Variants in FOXP2 observed in about 807,000 individuals in gnomAD.
FOXP2 encodes forkhead box protein P2.
Under a neutral mutation model 115.8 loss-of-function variants are expected in FOXP2, and 12 were observed. The observed-to-expected ratio is 0.10, with a 90% confidence interval of 0.07 to 0.17. FOXP2 has a LOEUF of 0.17. Among genes scored for constraint, FOXP2 ranks in the 10% least tolerant of loss-of-function variants. The probability of loss-of-function intolerance (pLI) is 1.00; values close to 1 mark genes in which losing one functional copy is unlikely to be tolerated. For missense variants in FOXP2, 629 were observed against 843.5 expected, an observed-to-expected ratio of 0.75 and a Z score of 3.15; for synonymous variants, 328 against 297.7, an observed-to-expected ratio of 1.10 and a Z score of -1.05.
chr7:114,574,328 G>A (rs1370726137), intron 3 of FOXP2, among the ~76,000 whole-genome samples: 4 of 151,376 alleles, frequency 2.6e-5, no homozygotes, highest in African/African-American at 4.8e-5. Flanking sequence ...AAAAAACGAG[G>A]GTATAAGAGG....
At chr7:114,322,001 C>T (rs558330441) in intron 2 of FOXP2, among the ~76,000 whole-genome samples, 4 of 147,620 alleles carry the variant, frequency 2.7e-5, no homozygotes, top group Admixed American at 7.0e-5. Context: ...AAATAAATGC[C>T]GTGAGAATTT....
At chr7:114,484,199 T>A (rs1796676055) in intron 2 of FOXP2, among the ~76,000 whole-genome samples, 1 of 151,834 alleles carries the variant, frequency 6.6e-6, no homozygotes, top group Non-Finnish European at 1.5e-5. Context: ...TGCAGTGACA[T>A]TTTTTAAGTG....
intron 1 of FOXP2, among the ~76,000 whole-genome samples, chr7:114,205,287 C>G (rs1003500190): frequency 6.6e-6 from 1 of 151,828 alleles, no homozygotes; most frequent in African/African-American, 2.4e-5. Flanking sequence ...TTGCGCTCAA[C>G]AAAAGAAACA....
At chr7:114,334,806 A>G (rs1398181878) in intron 2 of FOXP2, among the ~76,000 whole-genome samples, 1 of 150,778 alleles carries the variant, frequency 6.6e-6, no homozygotes, top group African/African-American at 2.4e-5. Flanking sequence ...TTAATTTTTA[A>G]AGATCGAAAA....
At chr7:114,264,245 T>A (rs1409524946) in intron 1 of FOXP2, among the ~76,000 whole-genome samples, 1 of 152,222 alleles carries the variant, frequency 6.6e-6, no homozygotes, top group African/African-American at 2.4e-5. Context: ...ATGGAATGTA[T>A]GTGTGATTTT....
At chr7:114,555,348 A>C (rs1329587514) in intron 3 of FOXP2, among the ~76,000 whole-genome samples, 1 of 152,204 alleles carries the variant, frequency 6.6e-6, no homozygotes, top group Non-Finnish European at 1.5e-5. Context: ...CAGATAATAT[A>C]GTGCCTCTTA....
In FOXP2 at chr7:114,471,795, C is replaced by CAA. The variant is rs767129922; in HGVS notation, c.168+45130_168+45131dup. ...TGAAACCCCATCTCCACTAAAAATA[C>CAA]AAAAAAAAAAAAAAATTAGCTGGGC... is the stretch of plus-strand genomic sequence containing the variant. On this transcript the variant is annotated intron_variant, in intron 2 of 16. Transcript: ENST00000350908. 2.0e-4 allele frequency among the ~76,000 whole-genome samples: 24 copies of CAA among 121,488 alleles called. 1 individual carries two copies. Among genetic ancestry groups the CAA allele is most frequent in the South Asian group, 7.8e-4 (3 of 3,842 alleles). The allele number at this position is 121,488 out of a possible 152,430, so 79.7% of individuals were successfully genotyped here.
intron 2 of FOXP2, among the ~76,000 whole-genome samples, chr7:114,436,271 G>A (rs1048853871): frequency 6.6e-6 from 1 of 151,506 alleles, no homozygotes; most frequent in Admixed American, 6.6e-5. Flanking sequence ...ATCCCTGAGA[G>A]TAACATTTAT....
chr7:114,138,239 C>A (rs1456619351), intron 1 of FOXP2, among the ~76,000 whole-genome samples: 2 of 152,076 alleles, frequency 1.3e-5, no homozygotes, highest in Admixed American at 1.3e-4. Context: ...ACAGAGAATA[C>A]AGTATGTCAA....
intron 1 of FOXP2, among the ~76,000 whole-genome samples, chr7:114,252,729 GT>G (rs1447524093): frequency 1.3e-5 from 2 of 151,590 alleles, no homozygotes; most frequent in Non-Finnish European, 2.9e-5. Context: ...TTTGTCAATT[GT>G]TTCAAAAAAC....
chr7:114,490,049 A>G (rs1487655982), intron 2 of FOXP2, among the ~76,000 whole-genome samples: 1 of 152,144 alleles, frequency 6.6e-6, no homozygotes, highest in Non-Finnish European at 1.5e-5. Context: ...CATATTCTAT[A>G]TGATCAGCAA....
chr7:114,406,884 G>C (rs1223388357), intron 2 of FOXP2, among the ~76,000 whole-genome samples: 1 of 151,836 alleles, frequency 6.6e-6, no homozygotes, highest in Admixed American at 6.6e-5. Context: ...TGGTAATTTA[G>C]ACTAACATTG....
intron 3 of FOXP2, among the ~76,000 whole-genome samples, chr7:114,611,064 T>C (rs1803600826): frequency 6.6e-6 from 1 of 152,214 alleles, no homozygotes. Flanking sequence ...CATCCGTATC[T>C]TTGTGTATCT....
chr7:114,581,421 C>T (rs981359661), intron 3 of FOXP2, among the ~76,000 whole-genome samples: 5 of 151,928 alleles, frequency 3.3e-5, no homozygotes, highest in African/African-American at 7.3e-5. Flanking sequence ...GCCTTACAGA[C>T]GTGAGCCACT....
At chr7:114,680,173 GTAAAT>G (rs1053871216) in intron 16 of FOXP2, among the ~76,000 whole-genome samples, 1 of 152,104 alleles carries the variant, frequency 6.6e-6, no homozygotes, top group African/African-American at 2.4e-5. Context: ...TCTCACAAAT[GTAAAT>G]TAAATTAAAT....
At position 114,283,369 on chromosome 7, in the gene FOXP2, T is replaced by C. The variant is rs146282519; in HGVS notation, c.-101-4650T>C. ...ATGTATTTTATTTCTTTACTCCTAA[T>C]TTATAATATATTCTTCCAAATCATG... On this transcript the variant is annotated intron_variant, in intron 1 of 17. Coordinates refer to the FOXP2 transcript ENST00000634411. 5.4e-3 allele frequency among the ~76,000 whole-genome samples: 817 copies of C among 152,276 alleles called. 9 individuals are homozygous for C. The highest frequency in any genetic ancestry group is 0.019 in the African/African-American group (784 of 41,576).
At chr7:114,676,705 T>C (rs1385282171) in intron 16 of FOXP2, among the ~76,000 whole-genome samples, 1 of 152,204 alleles carries the variant, frequency 6.6e-6, no homozygotes, top group Non-Finnish European at 1.5e-5. Context: ...TTTTAAAAGG[T>C]ATGCTATTTG....
intron 1 of FOXP2, among the ~76,000 whole-genome samples, chr7:114,253,115 T>C (rs1212063942): frequency 6.6e-6 from 1 of 152,234 alleles, no homozygotes; most frequent in African/African-American, 2.4e-5. Context: ...GGTGAGTTTC[T>C]TAATCCTGAG....
At chr7:114,292,692 A>G (rs1189784035) in intron 2 of FOXP2, among the ~76,000 whole-genome samples, 4 of 152,136 alleles carry the variant, frequency 2.6e-5, no homozygotes, top group Non-Finnish European at 5.9e-5. Context: ...TTTTCTGCAT[A>G]GTATCTTACC....
Sources: allele counts gnomAD v4.1 joint callset (sites outside exome capture counted in the v4.1 genomes callset), GRCh38; gene constraint gnomAD v4.1.1; transcripts MANE v1.5; gene names NCBI Gene and HGNC (gene_info 2026-07-23, HGNC 2026-07-21).